Variants in LIN54 observed in about 807,000 individuals in gnomAD.
The protein encoded by LIN54 is protein lin-54 homolog.
LIN54 carries 9 observed loss-of-function variants against 78.7 expected under a neutral mutation model. The ratio of observed to expected loss-of-function variants is 0.11; its 90% confidence interval spans 0.07 to 0.20. The LOEUF (loss-of-function observed/expected upper bound fraction) is 0.20. LIN54 is among the 10% of genes least tolerant of loss of function. LIN54 has a pLI of 1.00. For missense variants in LIN54, 573 were observed against 889.9 expected (o/e 0.64, Z 4.53); for synonymous variants, 269 against 318.4 (o/e 0.84, Z 1.65).
chr4:82,967,749 T>G (rs13116197), intron 4 of LIN54, among the ~76,000 whole-genome samples: 28,076 of 152,172 alleles, frequency 0.18, 2,774 homozygotes, highest in South Asian at 0.32. Flanking sequence ...TAAGTCCACA[T>G]TTGGACACCT....
intron 4 of LIN54, among the ~76,000 whole-genome samples, chr4:82,964,829 T>A (rs1367317631): frequency 6.6e-6 from 1 of 152,122 alleles, no homozygotes; most frequent in Non-Finnish European, 1.5e-5. Flanking sequence ...CTAGCCAACA[T>A]GGCGAAACTA....
chr4:82,956,806 A>G (rs895254066), intron 4 of LIN54, among the ~76,000 whole-genome samples: 7 of 151,552 alleles, frequency 4.6e-5, no homozygotes, highest in African/African-American at 1.7e-4. Flanking sequence ...AAAAAAACAT[A>G]GAGACAGGGT....
chr4:83,001,567 C>T (rs1317568235), intron 1 of LIN54, among the ~76,000 whole-genome samples: 2 of 150,710 alleles, frequency 1.3e-5, no homozygotes, highest in South Asian at 2.1e-4. Context: ...AAAAAGAAGC[C>T]GGGCGCAGTG....
At chr4:82,956,703 T>TA (rs1724363764) in intron 4 of LIN54, among the ~76,000 whole-genome samples, 1 of 152,060 alleles carries the variant, frequency 6.6e-6, no homozygotes, top group African/African-American at 2.4e-5. Flanking sequence ...CCAATCTATA[T>TA]AACACAGTAA....
At chr4:83,005,056 G>C (rs769104488) in intron 1 of LIN54, among the ~76,000 whole-genome samples, 3 of 151,750 alleles carry the variant, frequency 2.0e-5, no homozygotes, top group African/African-American at 7.3e-5. Flanking sequence ...CACCATGCCC[G>C]GTTCATGTTT....
chr4:82,995,489 C>CGTT (rs1728122851), intron 1 of LIN54, among the ~76,000 whole-genome samples: 1 of 76,348 alleles, frequency 1.3e-5, no homozygotes, highest in Non-Finnish European at 2.4e-5. Flanking sequence ...ATCCTTATCT[C>CGTT]TTTTTTTTTT....
intron 4 of LIN54, among the ~76,000 whole-genome samples, chr4:82,961,881 T>C (rs1840994): frequency 0.98 from 148,643 of 151,748 alleles, 72,881 homozygotes; most frequent in East Asian, 1. Flanking sequence ...GCTTGAACCC[T>C]GGAGGCGGAG....
At chr4:82,974,293 A>G (rs1344223248) in intron 3 of LIN54, among the ~76,000 whole-genome samples, 3 of 152,150 alleles carry the variant, frequency 2.0e-5, no homozygotes, top group Non-Finnish European at 4.4e-5. Context: ...AAAGAGAAAG[A>G]GTGAGAGAAA....
chr4:82,984,764 A>G lies in LIN54; in HGVS notation c.81T>C (p.Asp27=), dbSNP rs1320412083. 3.1e-6 allele frequency: 5 copies of G among 1,613,930 alleles called. No homozygotes were observed. Among genetic ancestry groups the G allele is most frequent in the Non-Finnish European group, 4.2e-6 (5 of 1,179,862 alleles). The change falls in exon 2 of 13, where the codon GAT becomes GAC. Residue 27 remains aspartate (D), a synonymous_variant. Coordinates refer to ENST00000340417, the MANE Select transcript of LIN54 (RefSeq NM_194282.4). ...ATGAAACAATAACAGCCTCAATACT[A>G]TCATCATCCACTAAAGTTATACCAG... ...MDTGITLVDD[D]SIEAVIVSSP... is the part of the protein sequence containing the mutation.
chr4:82,989,437 CA>C (rs1727474035), intron 1 of LIN54, among the ~76,000 whole-genome samples: 1 of 152,128 alleles, frequency 6.6e-6, no homozygotes, highest in African/African-American at 2.4e-5. Flanking sequence ...ATCACAACAA[CA>C]ATATACAACA....
intron 11 of LIN54, among the ~76,000 whole-genome samples, chr4:82,934,149 A>C (rs1218691083): frequency 6.6e-6 from 1 of 152,218 alleles, no homozygotes; most frequent in African/African-American, 2.4e-5. Flanking sequence ...TCATGCCTGT[A>C]ATCCCAACAT....
rs192364518 is a variant in LIN54, at chr4:83,003,251, T to C, written c.-33+7233A>G. Among the ~76,000 whole-genome samples the C allele has an allele frequency of 1.5e-3, 228 of 152,068 alleles. 4 individuals carry two copies. Among genetic ancestry groups the C allele is most frequent in the Admixed American group, 0.013 (203 of 15,262 alleles). On this transcript the variant is annotated intron_variant, in intron 1 of 12. Transcript: ENST00000340417. ...GCTGGCCTTGAACTCCTGACCTCAATTGATCCGCCCAGCTCGGTCTCCCAA... is the reference window on the plus strand; with the variant it reads ...GCTGGCCTTGAACTCCTGACCTCAACTGATCCGCCCAGCTCGGTCTCCCAA...
At chr4:82,943,976 C>A (rs1180221525) in intron 5 of LIN54, among the ~76,000 whole-genome samples, 1 of 148,660 alleles carries the variant, frequency 6.7e-6, no homozygotes, top group Non-Finnish European at 1.5e-5. Flanking sequence ...TCAAGTGATT[C>A]TCCTGCCTCA....
rs1726941796 is a variant in LIN54, at chr4:82,984,408, C to G, written c.437G>C (p.Gly146Ala). 1 of 1,614,180 alleles carries G rather than the reference C, an allele frequency of 6.2e-7. No individual in the cohort carries two copies. The highest frequency in any genetic ancestry group is 2.2e-5 in the East Asian group (1 of 44,890). The change falls in exon 2 of 13, where the codon GGC (glycine) becomes GCC (alanine). Residue 146 changes from glycine to alanine, a missense_variant. Around this residue, in one of 6 missense-constraint regions of LIN54, gnomAD observed 183 missense variants for 228.4 expected, o/e 0.80. Coordinates refer to ENST00000340417, the MANE Select transcript of LIN54 (RefSeq NM_194282.4). ...DGQKLILTTL[G>A]KSGSPIVLAL... ...TAAAACAATTGGTGAACCAGACTTG[C>G]CCAAAGTTGTTAAAATTAACTTCTG...
chr4:82,981,764 C>A (rs528811050), intron 2 of LIN54, among the ~76,000 whole-genome samples: 1 of 152,032 alleles, frequency 6.6e-6, no homozygotes, highest in South Asian at 2.1e-4. Flanking sequence ...GGTGCAGTGG[C>A]TTATGCTTGT....
intron 11 of LIN54, among the ~76,000 whole-genome samples, chr4:82,933,744 G>A (rs961842685): frequency 3.3e-5 from 5 of 152,298 alleles, no homozygotes; most frequent in East Asian, 3.9e-4. Context: ...AATAGGTAGG[G>A]TAGGGCTGTC....
At position 82,970,221 on chromosome 4, in the gene LIN54, T is replaced by C. The variant is rs536662705; in HGVS notation, c.951+106A>G. 250 of 1,029,040 alleles carry C rather than the reference T, an allele frequency of 2.4e-4. No homozygotes were observed. In the South Asian group the frequency reaches 3.9e-3, roughly 16 times the overall value. 63.7% of individuals were successfully genotyped at this position (1,029,040 alleles called of 1,614,324 possible). A position where few individuals can be genotyped will look rare whatever the true frequency, so the allele number is the denominator to read the frequency against. ...TAATCCAGTATTCATTGAATGTCTATTACTTGCTTGGGAATGTACTAAAAT... is the reference window on the plus strand; with the variant it reads ...TAATCCAGTATTCATTGAATGTCTACTACTTGCTTGGGAATGTACTAAAAT... On this transcript the variant is annotated intron_variant, in intron 4 of 12. Coordinates refer to ENST00000340417, the MANE Select transcript of LIN54 (RefSeq NM_194282.4).
intron 6 of LIN54, 41 bp downstream of exon 6, chr4:82,939,848 C>T: frequency 7.5e-6 from 12 of 1,592,928 alleles, no homozygotes; most frequent in Non-Finnish European, 1.0e-5. Flanking sequence ...AGTAAATCGT[C>T]TATTTGGGAA....
intron 11 of LIN54, among the ~76,000 whole-genome samples, chr4:82,931,409 GAT>G (rs920103760): frequency 1.3e-5 from 2 of 152,092 alleles, no homozygotes; most frequent in African/African-American, 2.4e-5. Flanking sequence ...ATTTTCTTCA[GAT>G]ATGAGTTACA....
Sources: allele counts gnomAD v4.1 joint callset (sites outside exome capture counted in the v4.1 genomes callset), GRCh38; gene constraint gnomAD v4.1.1; regional missense constraint gnomAD v4.1.1; transcripts MANE v1.5; gene names NCBI Gene and HGNC (gene_info 2026-07-23, HGNC 2026-07-21).